Variants in SEMA5A observed in about 807,000 individuals in gnomAD.
The protein encoded by SEMA5A is semaphorin-5A.
In SEMA5A, 55 loss-of-function variants were observed where a neutral mutation model predicts 135.5. The observed-to-expected ratio is 0.41, with a 90% confidence interval of 0.33 to 0.51. The LOEUF is 0.51. SEMA5A is among the 20% of genes least tolerant of loss of function. The probability of loss-of-function intolerance (pLI) is 0.37; values close to 1 mark genes in which losing one functional copy is unlikely to be tolerated. For synonymous variants in SEMA5A, 580 were observed against 546.5 expected (o/e 1.06, Z -0.85); for missense variants, 1,290 against 1,419.9 (o/e 0.91, Z 1.47).
intron 1 of SEMA5A, among the ~76,000 whole-genome samples, chr5:9,455,724 A>G (rs1417817704): frequency 6.6e-6 from 1 of 152,212 alleles, no homozygotes; most frequent in African/African-American, 2.4e-5. Context: ...CAGCCAAACC[A>G]GGCTCTAAAA....
At chr5:9,272,330 G>A (rs1489931955) in intron 5 of SEMA5A, among the ~76,000 whole-genome samples, 1 of 152,072 alleles carries the variant, frequency 6.6e-6, no homozygotes, top group African/African-American at 2.4e-5. Flanking sequence ...TCTCTGGGCA[G>A]GGCATCTCTG....
intron 15 of SEMA5A, among the ~76,000 whole-genome samples, chr5:9,118,027 T>C (rs1740613536): frequency 6.6e-6 from 1 of 152,244 alleles, no homozygotes; most frequent in Admixed American, 6.5e-5. Flanking sequence ...TAGGTTGTAG[T>C]AAATACCTAA....
intron 2 of SEMA5A, among the ~76,000 whole-genome samples, chr5:9,413,446 A>G (rs1757174182): frequency 6.6e-6 from 1 of 152,216 alleles, no homozygotes; most frequent in Non-Finnish European, 1.5e-5. Context: ...GTATTGAGCA[A>G]GATGGAGCTA....
chr5:9,516,736 C>A (rs62342584), intron 1 of SEMA5A: 5,571 of 152,342 alleles, frequency 0.037, 138 homozygotes, highest in Non-Finnish European at 0.054. Context: ...GCTCCCCTCC[C>A]CATGCAACTG....
chr5:9,057,232 A>T (rs1418587451), intron 18 of SEMA5A, among the ~76,000 whole-genome samples: 1 of 152,208 alleles, frequency 6.6e-6, no homozygotes, highest in Non-Finnish European at 1.5e-5. Context: ...ACTTAACAAT[A>T]CCGTATTGTG....
At chr5:9,465,533 A>T (rs951956405) in intron 1 of SEMA5A, among the ~76,000 whole-genome samples, 9 of 152,254 alleles carry the variant, frequency 5.9e-5, no homozygotes, top group African/African-American at 2.2e-4. Context: ...GTAAGGCAAA[A>T]CTTGAATCTA....
chr5:9,272,406 C>T (rs980780970), intron 5 of SEMA5A, among the ~76,000 whole-genome samples: 6 of 152,116 alleles, frequency 3.9e-5, no homozygotes, highest in African/African-American at 4.8e-5. Flanking sequence ...GGACAGAGCA[C>T]CTGGGGGAAG....
chr5:9,538,387 G>A (rs1737895482), intron 1 of SEMA5A, among the ~76,000 whole-genome samples: 1 of 152,138 alleles, frequency 6.6e-6, no homozygotes, highest in South Asian at 2.1e-4. Context: ...TGCCACTCCA[G>A]CTGAAGCGAA....
chr5:9,075,912 AATTATATCTTCAGGCC>A (rs1738026710), intron 16 of SEMA5A, among the ~76,000 whole-genome samples: 1 of 152,156 alleles, frequency 6.6e-6, no homozygotes. Flanking sequence ...GCTATTTAGA[AATTATATCTTCAGGCC>A]AGGCATGGTG....
intron 21 of SEMA5A, among the ~76,000 whole-genome samples, chr5:9,049,470 G>A (rs1367142542): frequency 1.3e-5 from 2 of 152,174 alleles, no homozygotes; most frequent in Non-Finnish European, 2.9e-5. Flanking sequence ...CAGCCAGTAA[G>A]CTCCTAATCA....
intron 16 of SEMA5A, among the ~76,000 whole-genome samples, chr5:9,089,782 G>A (rs1251992184): frequency 1.3e-5 from 2 of 152,002 alleles, no homozygotes; most frequent in African/African-American, 2.4e-5. Context: ...GATTTTAATA[G>A]GTATCCTTCA....
At chr5:9,235,053 A>G (rs544538224) in intron 6 of SEMA5A, among the ~76,000 whole-genome samples, 1 of 152,224 alleles carries the variant, frequency 6.6e-6, no homozygotes, top group South Asian at 2.1e-4. Flanking sequence ...CACCCCAAGT[A>G]GAAATAATCT....
intron 16 of SEMA5A, among the ~76,000 whole-genome samples, chr5:9,094,420 C>T (rs185539344): frequency 4.0e-4 from 61 of 152,296 alleles, no homozygotes; most frequent in Non-Finnish European, 6.5e-4. Context: ...CAGTTTCAGA[C>T]GTCAAGGCCT....
intron 11 of SEMA5A, among the ~76,000 whole-genome samples, chr5:9,156,138 G>A (rs555154838): frequency 6.6e-6 from 1 of 152,336 alleles, no homozygotes; most frequent in Non-Finnish European, 1.5e-5. Flanking sequence ...AGGGGCAGCT[G>A]TGGCGTAGAG....
chr5:9,225,671 A>G (rs1747267806), intron 7 of SEMA5A, among the ~76,000 whole-genome samples: 1 of 151,974 alleles, frequency 6.6e-6, no homozygotes, highest in African/African-American at 2.4e-5. Flanking sequence ...ATGTGTGGAT[A>G]TTCAACACTA....
intron 1 of SEMA5A, among the ~76,000 whole-genome samples, chr5:9,521,138 G>C (rs1309080276): frequency 6.6e-6 from 1 of 152,212 alleles, no homozygotes; most frequent in African/African-American, 2.4e-5. Flanking sequence ...GGCTAGGCCT[G>C]GTGGCTCACA....
rs796781563 is a variant in SEMA5A at position 9,432,565 on chromosome 5, T to C, written c.-78+5191A>G. ...TTTATAGCCAAGAAATCTAACAAAA[T>C]CAAGACAAGTAAAGACTGAGAGCTG... On this transcript the variant is annotated intron_variant, in intron 2 of 22. Coordinates refer to ENST00000382496, the MANE Select transcript of SEMA5A (RefSeq NM_003966.3). Among the ~76,000 whole-genome samples, 105 of 152,156 alleles carry C rather than the reference T, an allele frequency of 6.9e-4. 1 individual carries two copies. The highest frequency in any genetic ancestry group is 2.1e-3 in the African/African-American group (88 of 41,506).
rs116890328 is a variant in SEMA5A, at chr5:9,422,666, G to A, written c.-78+15090C>T. 5.9e-3 allele frequency among the ~76,000 whole-genome samples: 904 copies of A among 152,174 alleles called. 13 individuals carry two copies. Among genetic ancestry groups the A allele is most frequent in the East Asian group, 0.047 (245 of 5,174 alleles). On this transcript the variant is annotated intron_variant, in intron 2 of 22. Transcript: ENST00000382496. ...GAATTTTCCAAGTAATAAAGTCACA[G>A]GCTTTTTTGTTAGGTGGCTGGAAAG... is the stretch of plus-strand genomic sequence containing the variant.
At chr5:9,375,321 T>C (rs980503731) in intron 3 of SEMA5A, among the ~76,000 whole-genome samples, 15 of 152,230 alleles carry the variant, frequency 9.9e-5, no homozygotes, top group Middle Eastern at 3.4e-3. Flanking sequence ...GGATTAAGGT[T>C]AGCCCTAAGT....
Sources: gnomAD v4.1 joint callset for allele counts (sites outside exome capture counted in the v4.1 genomes callset) on GRCh38, gnomAD v4.1.1 for gene constraint, MANE v1.5 for transcripts, NCBI Gene and HGNC (gene_info 2026-07-23, HGNC 2026-07-21) for gene names.